LZTFL1: variants seen among roughly 807,000 people sequenced by gnomAD.
LZTFL1 encodes leucine zipper transcription factor-like protein 1.
In LZTFL1, 25 loss-of-function variants were observed where a neutral mutation model predicts 45.9. That is an observed-to-expected ratio of 0.54 (90% confidence interval 0.40 to 0.76). LZTFL1 has a LOEUF of 0.76. LZTFL1 is among the 30% of genes least tolerant of loss of function. The pLI is 0.00. For synonymous variants in LZTFL1, 93 were observed against 117.4 expected (o/e 0.79, Z 1.35); for missense variants, 277 against 331.1 (o/e 0.84, Z 1.27).
intron 2 of LZTFL1, among the ~76,000 whole-genome samples, chr3:45,864,375 T>C (rs887305552): frequency 6.6e-6 from 1 of 152,218 alleles, no homozygotes; most frequent in Non-Finnish European, 1.5e-5. Context: ...TAATGAAGAA[T>C]TTTTATAACT....
chr3:45,913,219 T>C (rs1702834755), intron 1 of LZTFL1: 1 of 1,377,466 alleles, frequency 7.3e-7, no homozygotes. Context: ...AATGCTACTA[T>C]TGTTACTATT....
chr3:45,897,717 C>T (rs1016683527), intron 2 of LZTFL1: 1 of 910,320 alleles, frequency 1.1e-6, no homozygotes, highest in Admixed American at 2.8e-5. Context: ...GTCCCTTGTG[C>T]TTGTCCTTCT....
chr3:45,849,986 G>A (rs1262289073), intron 4 of LZTFL1, among the ~76,000 whole-genome samples: 2 of 152,184 alleles, frequency 1.3e-5, no homozygotes, highest in Non-Finnish European at 2.9e-5. Context: ...GGAGATAGTT[G>A]TTTTTACTAG....
At chr3:45,880,748 C>G (rs1324791248) in intron 2 of LZTFL1, among the ~76,000 whole-genome samples, 1 of 152,100 alleles carries the variant, frequency 6.6e-6, no homozygotes, top group East Asian at 1.9e-4. Flanking sequence ...CCAATCTTCA[C>G]ATTGATGGGA....
chr3:45,904,025 G>A (rs1702631477), intron 2 of LZTFL1, among the ~76,000 whole-genome samples: 1 of 152,270 alleles, frequency 6.6e-6, no homozygotes, highest in South Asian at 2.1e-4. Flanking sequence ...GCTCTGTCAT[G>A]GGAGTCCCAG....
intron 2 of LZTFL1, among the ~76,000 whole-genome samples, chr3:45,875,543 C>T (rs1406926878): frequency 1.3e-5 from 2 of 152,146 alleles, no homozygotes; most frequent in Non-Finnish European, 2.9e-5. Flanking sequence ...AATATCTGGC[C>T]AGGTGCAGTG....
chr3:45,878,464 G>T (rs1701790626), intron 2 of LZTFL1, among the ~76,000 whole-genome samples: 2 of 152,166 alleles, frequency 1.3e-5, no homozygotes, highest in African/African-American at 2.4e-5. Flanking sequence ...CAGGGACAGG[G>T]CAGGGGTTGG....
At chr3:45,842,208 G>T, upstream of LZTFL1, 1 of 1,418,060 alleles carries the variant, frequency 7.1e-7, no homozygotes, top group Non-Finnish European at 9.3e-7. Context: ...TTGCGTAACC[G>T]GTTGACTGCC....
intron 2 of LZTFL1, among the ~76,000 whole-genome samples, chr3:45,894,713 G>GAAT (rs1702295522): frequency 1.3e-5 from 2 of 152,070 alleles, no homozygotes; most frequent in African/African-American, 2.4e-5. Context: ...TCAAAGGAGA[G>GAAT]GTTCATTCAT....
At chr3:45,841,888 A>T (rs1701126718) in intron 1 of LZTFL1, 101 bp downstream of exon 1, 1 of 1,466,992 alleles carries the variant, frequency 6.8e-7, no homozygotes, top group Middle Eastern at 1.8e-4. Context: ...GCCAGACCCA[A>T]CGAGGCCACG....
At chr3:45,832,783 CAA>C in intron 5 of LZTFL1, 1 of 277,998 alleles carries the variant, frequency 3.6e-6, no homozygotes, top group African/African-American at 2.2e-5. Flanking sequence ...CCGCAGATCA[CAA>C]ACTTTAAATG....
chr3:45,843,265 T>A (rs1312783419), upstream of LZTFL1, among the ~76,000 whole-genome samples: 1 of 152,238 alleles, frequency 6.6e-6, no homozygotes, highest in South Asian at 2.1e-4. Flanking sequence ...CCCATTTCTG[T>A]TTAGTGAGTG....
chr3:45,897,463 T>C, intron 2 of LZTFL1: 8 of 760,314 alleles, frequency 1.1e-5, no homozygotes, highest in Admixed American at 2.0e-5. Flanking sequence ...GATTCAGTCT[T>C]GGGAGTGTTA....
upstream of LZTFL1, chr3:45,842,261 T>G (rs1701140939): frequency 8.9e-7 from 1 of 1,124,286 alleles, no homozygotes; most frequent in Non-Finnish European, 1.2e-6. Context: ...CACCTTTTTG[T>G]GCCAGTTCAC....
At chr3:45,832,461 G>A (rs1457886256) in intron 5 of LZTFL1, 2 of 152,100 alleles carry the variant, frequency 1.3e-5, no homozygotes, top group Non-Finnish European at 2.9e-5. Context: ...TTTGGATTTG[G>A]GATGCTCAAC....
intron 2 of LZTFL1, among the ~76,000 whole-genome samples, chr3:45,891,145 C>T (rs973382844): frequency 6.6e-6 from 1 of 152,188 alleles, no homozygotes; most frequent in African/African-American, 2.4e-5. Flanking sequence ...GTTTTCCTGG[C>T]CCCCAGAGGG....
rs1034823322 is a variant in LZTFL1 at position 45,854,934 on chromosome 3, C to A, written c.-49+52G>T. On this transcript the variant is annotated intron_variant, in intron 4 of 4. Transcript: ENST00000472635. ...TGGAATAACAATAAAAAAACAGGAACAACCACCACCAAAACATAATTATAA... is the reference window on the plus strand; with the variant it reads ...TGGAATAACAATAAAAAAACAGGAAAAACCACCACCAAAACATAATTATAA... 6 of 1,326,272 alleles carry A rather than the reference C, an allele frequency of 4.5e-6. No homozygotes were observed. In the African/African-American group the frequency reaches 7.4e-5, roughly 16 times the overall value. 82.2% of individuals were successfully genotyped at this position (1,326,272 alleles called of 1,614,324 possible). A position where few individuals can be genotyped will look rare whatever the true frequency, so the allele number is the denominator to read the frequency against.
chr3:45,835,860 C>T (rs1361736734), intron 2 of LZTFL1, 76 bp from the exon 3 acceptor site: 1 of 1,017,362 alleles, frequency 9.8e-7, no homozygotes, highest in African/African-American at 1.6e-5. Flanking sequence ...AATTAAGAAA[C>T]CCACATTCAT....
intron 4 of LZTFL1, 112 bp from the exon 5 acceptor site, chr3:45,833,233 C>T (rs893459573): frequency 5.9e-5 from 43 of 724,348 alleles, no homozygotes; most frequent in Middle Eastern, 3.3e-4. Flanking sequence ...ATATTCACTG[C>T]GATGTCAGTT....
Sources: allele counts gnomAD v4.1 joint callset (sites outside exome capture counted in the v4.1 genomes callset), GRCh38; gene constraint gnomAD v4.1.1; transcripts MANE v1.5; gene names NCBI Gene and HGNC (gene_info 2026-07-23, HGNC 2026-07-21).